Variants in HIVEP1 observed in about 807,000 individuals in gnomAD.
HIVEP1 encodes the protein HIVEP zinc finger 1, also known as zinc finger protein 40.
Under a neutral mutation model 180.0 loss-of-function variants are expected in HIVEP1, and 36 were observed. The ratio of observed to expected loss-of-function variants is 0.20; its 90% CI spans 0.15 to 0.26. The LOEUF is 0.26. HIVEP1 is among the 10% of genes least tolerant of loss of function. The probability of loss-of-function intolerance (pLI) is 1.00; values close to 1 mark genes in which losing one functional copy is unlikely to be tolerated. For synonymous variants in HIVEP1, 1,239 were observed against 1,239.0 expected, an observed-to-expected ratio of 1.00 and a Z score of 0.00; for missense variants, 3,143 against 3,268.7, an observed-to-expected ratio of 0.96 and a Z score of 0.94.
chr6:12,177,022 A>T, the HIVEP1 span, among the ~76,000 whole-genome samples: 1 of 152,230 alleles, frequency 6.6e-6, no homozygotes, highest in Admixed American at 6.5e-5. Flanking sequence ...GGGAACATGG[A>T]TGGAGCTGGA....
At chr6:12,204,200 A>G in the HIVEP1 span, among the ~76,000 whole-genome samples, 7 of 152,164 alleles carry the variant, frequency 4.6e-5, no homozygotes, top group South Asian at 2.1e-4. Flanking sequence ...AGTCAGATGG[A>G]CACACCCAGT....
chr6:12,107,643 G>A (rs1274934127), intron 3 of HIVEP1, among the ~76,000 whole-genome samples: 1 of 152,224 alleles, frequency 6.6e-6, no homozygotes, highest in African/African-American at 2.4e-5. Context: ...GCTCAGGAGT[G>A]AAGCTGCAGA....
chr6:12,014,279 AG>A (rs1767596536), intron 1 of HIVEP1, among the ~76,000 whole-genome samples: 2 of 152,214 alleles, frequency 1.3e-5, no homozygotes, highest in African/African-American at 4.8e-5. Flanking sequence ...TCCTGAAAGT[AG>A]ATGTTATCAG....
In HIVEP1 at chr6:12,164,991, C is replaced by T. The variant is rs1760658668; in HGVS notation, c.*530C>T. 1 of 358,612 alleles carries T rather than the reference C, an allele frequency of 2.8e-6. No individual in the cohort carries two copies. Among genetic ancestry groups the T allele is most frequent in the Non-Finnish European group, 5.4e-6 (1 of 184,618 alleles). 22.2% of individuals were successfully genotyped at this position (358,612 alleles called of 1,614,324 possible). A position where few individuals can be genotyped will look rare whatever the true frequency, so the allele number is the denominator to read the frequency against. The stretch of plus-strand genomic sequence containing the variant: ...AAATGTTTCAGTAAAATATTGTTTA[C>T]TGACTTTACCATTGCTTCAGTTGTG... On this transcript the variant is annotated 3_prime_UTR_variant, in exon 9 of 9. Transcript: ENST00000379388.
At chr6:12,162,692 C>T (rs1312500976) in intron 8 of HIVEP1, among the ~76,000 whole-genome samples, 1 of 152,224 alleles carries the variant, frequency 6.6e-6, no homozygotes, top group South Asian at 2.1e-4. Flanking sequence ...GTGCTGTAAG[C>T]GTCTCTATCC....
At chr6:12,011,447 G>A (rs1668811057), upstream of HIVEP1, among the ~76,000 whole-genome samples, 8 of 151,122 alleles carry the variant, frequency 5.3e-5, 1 homozygote, top group South Asian at 1.5e-3. Flanking sequence ...CCCCAACTGA[G>A]CGACCCCGCC....
intron 7 of HIVEP1, among the ~76,000 whole-genome samples, chr6:12,154,640 G>C (rs921411437): frequency 6.6e-6 from 1 of 152,074 alleles, no homozygotes; most frequent in Non-Finnish European, 1.5e-5. Flanking sequence ...GGGTCTGTTG[G>C]GGGTGGGGGA....
chr6:12,190,585 G>A, the HIVEP1 span, among the ~76,000 whole-genome samples: 6 of 152,168 alleles, frequency 3.9e-5, no homozygotes, highest in African/African-American at 9.6e-5. Context: ...TGGCTTTGGT[G>A]GTCACCCATT....
chr6:12,123,620 G>T lies in HIVEP1; in HGVS notation c.3825G>T (p.Glu1275Asp), dbSNP rs866571515. 1 of 1,614,130 alleles carries T rather than the reference G, an allele frequency of 6.2e-7. No individual in the cohort carries two copies. Residue 1275 changes from glutamate (E) to aspartate (D), a missense_variant, in exon 4 of 9, where the codon GAG becomes GAT. Around this residue, in one of 12 missense-constraint regions of HIVEP1, gnomAD observed 1,357 missense variants for 1,260.5 expected, o/e 1.08. Transcript: ENST00000379388. Reference sequence around the variant, plus strand: ...AAACCTTGTCAAAATTGCCAACAGAGAAACTGCCACCCAAAAAGAAAAGGC... The same window carrying T: ...AAACCTTGTCAAAATTGCCAACAGATAAACTGCCACCCAAAAAGAAAAGGC... ...RSETLSKLPT[E>D]KLPPKKKRLR...
At chr6:12,055,481 T>A (rs984443695) in intron 2 of HIVEP1, among the ~76,000 whole-genome samples, 7 of 151,522 alleles carry the variant, frequency 4.6e-5, no homozygotes, top group South Asian at 4.2e-4. Flanking sequence ...AAAAAAAAAA[T>A]AAAAAGTCAT....
chr6:12,048,455 C>T (rs1343715627), intron 2 of HIVEP1, among the ~76,000 whole-genome samples: 1 of 152,180 alleles, frequency 6.6e-6, no homozygotes, highest in Non-Finnish European at 1.5e-5. Context: ...CAATTCTTGG[C>T]CTTCCAACCA....
At chr6:12,159,709 T>C (rs868389877) in intron 7 of HIVEP1, among the ~76,000 whole-genome samples, 1 of 152,216 alleles carries the variant, frequency 6.6e-6, no homozygotes, top group Admixed American at 6.5e-5. Context: ...GTCAATACTT[T>C]GGTATTATTT....
chr6:12,179,138 G>A, the HIVEP1 span, among the ~76,000 whole-genome samples: 12 of 152,280 alleles, frequency 7.9e-5, no homozygotes, highest in Admixed American at 2.6e-4. Context: ...CTGGAGAGAC[G>A]CTGAAGGTTG....
chr6:12,054,287 A>G (rs951634658), intron 2 of HIVEP1, among the ~76,000 whole-genome samples: 1 of 152,250 alleles, frequency 6.6e-6, no homozygotes, highest in East Asian at 1.9e-4. Flanking sequence ...TATATTTACA[A>G]GAAAACATAC....
chr6:12,066,853 TCAAA>T (rs1305921448), intron 2 of HIVEP1, among the ~76,000 whole-genome samples: 1 of 142,418 alleles, frequency 7.0e-6, no homozygotes. Flanking sequence ...TGGATATATT[TCAAA>T]CAAAGACACT....
rs754806327 is a variant in HIVEP1 at position 12,124,671 on chromosome 6, C to A, written c.4876C>A (p.Gln1626Lys). 3.7e-6 allele frequency: 6 copies of A among 1,614,138 alleles called. No individual in the cohort carries two copies. The highest frequency in any genetic ancestry group is 5.1e-6 in the Non-Finnish European group (6 of 1,179,970). Residue 1626 changes from glutamine to lysine, a missense_variant, in exon 4 of 9, where the codon CAG becomes AAG. Gln to Lys is a moderately conservative substitution (Grantham distance 53). Coordinates refer to ENST00000379388, the MANE Select transcript of HIVEP1 (RefSeq NM_002114.4). ...ACCAGAGCTCAGGCCCCTTGGAAGT[C>A]AGGTGCAGAAGGTGCCATCATCATT... is the stretch of plus-strand genomic sequence containing the variant. ...LPPELRPLGS[Q>K]VQKVPSSFML...
chr6:12,200,044 G>A, the HIVEP1 span, among the ~76,000 whole-genome samples: 68,506 of 152,010 alleles, frequency 0.45, 15,465 homozygotes, highest in East Asian at 0.54. Context: ...TGTAAAGATG[G>A]AGACCAAGAC....
chr6:12,150,958 C>T (rs1375821871), intron 7 of HIVEP1, among the ~76,000 whole-genome samples: 1 of 152,170 alleles, frequency 6.6e-6, no homozygotes. Context: ...GGTTGCTACC[C>T]TCGGGAGCCC....
intron 3 of HIVEP1, among the ~76,000 whole-genome samples, chr6:12,117,689 C>G (rs916218414): frequency 1.3e-5 from 2 of 152,226 alleles, no homozygotes; most frequent in East Asian, 3.8e-4. Context: ...CATACCTACC[C>G]TGTCCAAGAC....
Sources: gnomAD v4.1 joint callset for allele counts (sites outside exome capture counted in the v4.1 genomes callset) on GRCh38, gnomAD v4.1.1 for gene constraint, gnomAD v4.1.1 regional missense constraint, MANE v1.5 for transcripts, NCBI Gene and HGNC (gene_info 2026-07-23, HGNC 2026-07-21) for gene names.